PCCA: variants seen among roughly 807,000 people sequenced by gnomAD.
The protein encoded by PCCA is propionyl-CoA carboxylase subunit alpha.
PCCA carries 74 observed loss-of-function variants against 101.3 expected under a neutral mutation model. The ratio of observed to expected loss-of-function variants is 0.73; its 90% CI spans 0.61 to 0.89. The LOEUF (loss-of-function observed/expected upper bound fraction) is 0.89. Ranked by LOEUF, PCCA falls within the 40% of genes least tolerant of loss-of-function variation. The pLI is 0.00. For synonymous variants in PCCA, 294 were observed against 313.6 expected, an observed-to-expected ratio of 0.94 and a Z score of 0.66; for missense variants, 891 against 907.0, an observed-to-expected ratio of 0.98 and a Z score of 0.23.
chr13:100,450,304 G>C (rs943369592), intron 21 of PCCA, among the ~76,000 whole-genome samples: 1 of 151,818 alleles, frequency 6.6e-6, no homozygotes, highest in African/African-American at 2.4e-5. Context: ...TGAGGCAGGA[G>C]AATCGCCTGA....
intron 12 of PCCA, among the ~76,000 whole-genome samples, chr13:100,284,525 G>C (rs1055289558): frequency 1.1e-4 from 16 of 152,220 alleles, no homozygotes; most frequent in Admixed American, 2.6e-4. Flanking sequence ...AAAGCTCAAG[G>C]CTTAGTGAGG....
intron 7 of PCCA, among the ~76,000 whole-genome samples, chr13:100,224,004 C>T (rs473180): frequency 0.14 from 21,551 of 152,302 alleles, 1,689 homozygotes; most frequent in Middle Eastern, 0.21. Context: ...GATCCCGCAC[C>T]GGGGCTGCAG....
chr13:100,385,684 A>G lies in PCCA; in HGVS notation c.1746+17110A>G, dbSNP rs557953145. On this transcript the variant is annotated intron_variant, in intron 19 of 23. Transcript: ENST00000376285. ...GTTGCCCAGGCCGGAGTGCAGTGGC[A>G]TGATCACGGCTGACTGCAACGTCGG... Among the ~76,000 whole-genome samples, 30 of 152,242 alleles carry G rather than the reference A, an allele frequency of 2.0e-4. No individual in the cohort carries two copies. In the South Asian group the frequency reaches 6.0e-3, roughly 31 times the overall value.
intron 22 of PCCA, among the ~76,000 whole-genome samples, chr13:100,515,864 T>C (rs1209157130): frequency 6.6e-6 from 1 of 152,274 alleles, no homozygotes; most frequent in Admixed American, 6.5e-5. Flanking sequence ...TTAAAAGTGC[T>C]GCTTACTCTC....
intron 21 of PCCA, among the ~76,000 whole-genome samples, chr13:100,492,918 C>T (rs1455870688): frequency 6.6e-6 from 1 of 151,984 alleles, no homozygotes; most frequent in Non-Finnish European, 1.5e-5. Context: ...CGAGAGCCAT[C>T]TCCATCACTC....
intron 21 of PCCA, among the ~76,000 whole-genome samples, chr13:100,476,697 A>G (rs1229735079): frequency 6.6e-6 from 1 of 152,232 alleles, no homozygotes; most frequent in African/African-American, 2.4e-5. Flanking sequence ...TCTGAATCAC[A>G]AATAAGCATC....
chr13:100,389,073 A>G (rs908119748), intron 19 of PCCA, among the ~76,000 whole-genome samples: 16 of 152,198 alleles, frequency 1.1e-4, no homozygotes. Context: ...TCACAGTGTC[A>G]TCTGTTGAGG....
At chr13:100,163,607 T>G (rs892526816) in intron 6 of PCCA, among the ~76,000 whole-genome samples, 5 of 152,192 alleles carry the variant, frequency 3.3e-5, no homozygotes, top group African/African-American at 1.2e-4. Flanking sequence ...AGCAGCTTTA[T>G]TGAGATTTAA....
At chr13:100,247,437 T>C (rs776530062) in intron 8 of PCCA, among the ~76,000 whole-genome samples, 10 of 151,164 alleles carry the variant, frequency 6.6e-5, no homozygotes, top group Non-Finnish European at 1.3e-4. Context: ...AGGATGGTCT[T>C]GATCTCCTGA....
chr13:100,382,510 G>A (rs1466185122), intron 19 of PCCA, among the ~76,000 whole-genome samples: 1 of 152,080 alleles, frequency 6.6e-6, no homozygotes, highest in Non-Finnish European at 1.5e-5. Context: ...CTTGAGGGTG[G>A]AACTTCACCA....
intron 21 of PCCA, among the ~76,000 whole-genome samples, chr13:100,461,474 A>G (rs185354713): frequency 1.3e-5 from 2 of 152,360 alleles, no homozygotes. Context: ...TGTACTCTTG[A>G]GAAATAAGTG....
At chr13:100,244,775 C>A (rs1166361593) in intron 8 of PCCA, among the ~76,000 whole-genome samples, 1 of 151,636 alleles carries the variant, frequency 6.6e-6, no homozygotes, top group African/African-American at 2.4e-5. Context: ...CCTTTCTCTG[C>A]CAAAGAAATA....
chr13:100,154,867 ACT>A lies in PCCA; in HGVS notation c.301-109_301-108del, dbSNP rs139768303. On this transcript the variant is annotated intron_variant, in intron 4 of 23. Coordinates refer to ENST00000376285, the MANE Select transcript of PCCA (RefSeq NM_000282.4). ...TAGTGCATACTCAAAAAGAAATACG[ACT>A]CTATAAATGATAGGCAGAACAATCA... 4,073 of 781,978 alleles carry A rather than the reference ACT, an allele frequency of 5.2e-3. 109 individuals are homozygous for A. The African/African-American group carries it at 0.06, about 12-fold the overall frequency. 48.4% of individuals were successfully genotyped at this position (781,978 alleles called of 1,614,324 possible).
At chr13:100,204,440 C>T (rs2152470256) in intron 6 of PCCA, among the ~76,000 whole-genome samples, 1 of 152,288 alleles carries the variant, frequency 6.6e-6, no homozygotes, top group South Asian at 2.1e-4. Flanking sequence ...GTGCCCAGCC[C>T]CATGGCTGTC....
chr13:100,408,896 T>TA, intron 19 of PCCA, among the ~76,000 whole-genome samples: 1 of 152,230 alleles, frequency 6.6e-6, no homozygotes, highest in South Asian at 2.1e-4. Flanking sequence ...AACAGCAGGT[T>TA]AAAAAATGCC....
At chr13:100,331,437 T>C (rs2069554611) in intron 17 of PCCA, among the ~76,000 whole-genome samples, 1 of 152,206 alleles carries the variant, frequency 6.6e-6, no homozygotes, top group African/African-American at 2.4e-5. Context: ...AGTGTTTTAA[T>C]GTAAAATGAC....
chr13:100,119,170 T>C (rs1325850184), intron 4 of PCCA, among the ~76,000 whole-genome samples: 5 of 152,192 alleles, frequency 3.3e-5, no homozygotes, highest in Admixed American at 6.5e-5. Context: ...TCTGCCTGTT[T>C]TTATGTATTA....
At chr13:100,455,347 C>G (rs534284982) in intron 21 of PCCA, among the ~76,000 whole-genome samples, 17 of 152,228 alleles carry the variant, frequency 1.1e-4, no homozygotes, top group Non-Finnish European at 2.2e-4. Context: ...AAGGAACTAA[C>G]ATCTTCCCGA....
intron 1 of PCCA, among the ~76,000 whole-genome samples, chr13:100,090,636 G>A (rs1004201592): frequency 1.3e-5 from 2 of 152,204 alleles, no homozygotes; most frequent in African/African-American, 4.8e-5. Flanking sequence ...ACTGTAACAA[G>A]TGTAAAATGG....
Sources: gnomAD v4.1 joint callset for allele counts (sites outside exome capture counted in the v4.1 genomes callset) on GRCh38, gnomAD v4.1.1 for gene constraint, MANE v1.5 for transcripts, NCBI Gene and HGNC (gene_info 2026-07-23, HGNC 2026-07-21) for gene names.